FAM149B1: variants seen among roughly 807,000 people sequenced by gnomAD.
FAM149B1 encodes primary cilium assembly protein FAM149B1.
FAM149B1 carries 56 observed loss-of-function variants against 75.3 expected under a neutral mutation model. The ratio of observed to expected loss-of-function variants is 0.74; its 90% CI spans 0.60 to 0.93. The LOEUF (loss-of-function observed/expected upper bound fraction) is 0.93. FAM149B1 is among the 40% of genes least tolerant of loss of function. The pLI is 0.00. For synonymous variants in FAM149B1, 259 were observed against 256.1 expected (o/e 1.01, Z -0.11); for missense variants, 639 against 708.4 (o/e 0.90, Z 1.11).
chr10:73,174,430 A>G (rs568258486), intron 1 of FAM149B1, among the ~76,000 whole-genome samples: 11 of 152,112 alleles, frequency 7.2e-5, no homozygotes, highest in African/African-American at 2.4e-4. Flanking sequence ...TATTTTAACA[A>G]CCCAATATAT....
At chr10:73,218,700 C>G (rs1419241019) in intron 7 of FAM149B1, among the ~76,000 whole-genome samples, 2 of 152,064 alleles carry the variant, frequency 1.3e-5, no homozygotes, top group Non-Finnish European at 2.9e-5. Flanking sequence ...ATCTTTTGAT[C>G]TTTCTGAGAT....
intron 11 of FAM149B1, 41 bp downstream of exon 11, chr10:73,234,981 C>T: frequency 1.9e-6 from 3 of 1,546,492 alleles, no homozygotes; most frequent in African/African-American, 2.7e-5. Context: ...ACTTACCATA[C>T]AACCTAATGG....
At chr10:73,199,260 C>G (rs917417493) in intron 5 of FAM149B1, among the ~76,000 whole-genome samples, 8 of 151,866 alleles carry the variant, frequency 5.3e-5, no homozygotes, top group Non-Finnish European at 1.0e-4. Flanking sequence ...CTCTGTCGCC[C>G]AGGCTGGAGT....
At chr10:73,235,154 T>G in intron 11 of FAM149B1, 39 bp from the exon 12 acceptor site, 3 of 1,547,464 alleles carry the variant, frequency 1.9e-6, no homozygotes, top group African/African-American at 1.4e-5. Flanking sequence ...ACATTACAGA[T>G]AGTTTTCACT....
chr10:73,205,412 T>C (rs2043033662), intron 5 of FAM149B1, among the ~76,000 whole-genome samples: 1 of 152,148 alleles, frequency 6.6e-6, no homozygotes, highest in Non-Finnish European at 1.5e-5. Flanking sequence ...TTACCATAAG[T>C]TAAAGCTTCC....
chr10:73,196,371 G>C (rs2133342806), intron 5 of FAM149B1, among the ~76,000 whole-genome samples: 1 of 151,998 alleles, frequency 6.6e-6, no homozygotes, highest in African/African-American at 2.4e-5. Flanking sequence ...ACCCAGGCTG[G>C]AGTGCAGTGG....
intron 5 of FAM149B1, among the ~76,000 whole-genome samples, chr10:73,197,192 T>TG (rs112437735): frequency 0.15 from 23,344 of 151,862 alleles, 2,943 homozygotes; most frequent in African/African-American, 0.32. Context: ...TCAGCAGAGA[T>TG]GGGTTTCACC....
chr10:73,238,193 G>A (rs774888515), intron 12 of FAM149B1, among the ~76,000 whole-genome samples: 43 of 151,986 alleles, frequency 2.8e-4, no homozygotes, highest in Middle Eastern at 3.2e-3. Flanking sequence ...AAAAATACAA[G>A]AAAATTAGCC....
At chr10:73,220,250 T>C (rs1449410130) in intron 7 of FAM149B1, among the ~76,000 whole-genome samples, 2 of 152,138 alleles carry the variant, frequency 1.3e-5, no homozygotes, top group African/African-American at 4.8e-5. Context: ...AATTACATTT[T>C]ATTTCTTAAA....
chr10:73,221,517 C>A (rs1053763865), intron 7 of FAM149B1, among the ~76,000 whole-genome samples: 1 of 152,072 alleles, frequency 6.6e-6, no homozygotes, highest in Admixed American at 6.5e-5. Flanking sequence ...TTGTTGTCAT[C>A]CTTATCTTTG....
At chr10:73,231,488 A>G (rs1357561067) in intron 9 of FAM149B1, among the ~76,000 whole-genome samples, 2 of 152,212 alleles carry the variant, frequency 1.3e-5, no homozygotes, top group African/African-American at 2.4e-5. Flanking sequence ...TATTTAAATC[A>G]GGAATCTGAA....
intron 1 of FAM149B1, among the ~76,000 whole-genome samples, chr10:73,173,931 T>G (rs1011468402): frequency 2.0e-5 from 3 of 152,146 alleles, no homozygotes; most frequent in African/African-American, 7.2e-5. Flanking sequence ...AGTTAATGGT[T>G]TTTCTATTGG....
Position 73,241,299 on chromosome 10 carries a change from A to C in FAM149B1, c.*280A>C. 2.5e-6 allele frequency: 1 copy of C among 396,350 alleles called. No homozygotes were observed. The highest frequency in any genetic ancestry group is 4.8e-6 in the Non-Finnish European group (1 of 210,168). 24.6% of individuals were successfully genotyped at this position (396,350 alleles called of 1,614,324 possible). On this transcript the variant is annotated 3_prime_UTR_variant, in exon 14 of 14. Transcript: ENST00000242505. ...AGATGCAACAGTGAATAATACCCAA[A>C]TCACTGCTCATGTTATCTCTTAACA...
chr10:73,178,205 A>G (rs1844053892), intron 3 of FAM149B1, among the ~76,000 whole-genome samples: 1 of 152,210 alleles, frequency 6.6e-6, no homozygotes, highest in African/African-American at 2.4e-5. Flanking sequence ...AAACAGCTGC[A>G]TGTTGGCCGG....
At chr10:73,208,837 A>G in intron 6 of FAM149B1, 51 bp downstream of exon 6, 1 of 1,202,004 alleles carries the variant, frequency 8.3e-7, no homozygotes, top group Non-Finnish European at 1.1e-6. Context: ...TTTGTGTATT[A>G]ATACCTATTT....
In FAM149B1 at chr10:73,208,601, T is replaced by C; in HGVS notation, c.543-18T>C. 6.8e-7 allele frequency: 1 copy of C among 1,471,546 alleles called. No individual in the cohort carries two copies. Among genetic ancestry groups the C allele is most frequent in the Non-Finnish European group, 9.1e-7 (1 of 1,096,316 alleles). 91.2% of individuals were successfully genotyped at this position (1,471,546 alleles called of 1,614,324 possible). On this transcript the variant is annotated intron_variant, in intron 5 of 13. Transcript: ENST00000242505. The stretch of plus-strand genomic sequence containing the variant: ...TATGTTTACATAATTAATATTTACT[T>C]CTTTTTTCCACTCCAAGATTTGGTA...
rs1473083914 is a variant in FAM149B1 at position 73,239,344 on chromosome 10, T to C, written c.1635T>C (p.Val545=). The part of the protein sequence containing the change: ...LDTQYRRSCA[V]EYPHQARPGR... ...CACAGTATCGTCGCTCATGTGCAGT[T>C]GAGTATCCTCATCAGGCCCGACCTG... The change falls in exon 13 of 14, where the codon GTT becomes GTC. Residue 545 remains valine (V), a synonymous_variant. Transcript: ENST00000242505. 7 of 1,551,640 alleles carry C rather than the reference T, an allele frequency of 4.5e-6. No individual in the cohort carries two copies. In the East Asian group the frequency reaches 1.7e-4, roughly 38 times the overall value.
chr10:73,203,907 CAG>C (rs899310487), intron 5 of FAM149B1, among the ~76,000 whole-genome samples: 1 of 152,100 alleles, frequency 6.6e-6, no homozygotes, highest in Non-Finnish European at 1.5e-5. Flanking sequence ...TCCCAAAGTG[CAG>C]AGATTACAGG....
At chr10:73,202,706 T>C (rs1470544844) in intron 5 of FAM149B1, among the ~76,000 whole-genome samples, 2 of 151,086 alleles carry the variant, frequency 1.3e-5, no homozygotes, top group Non-Finnish European at 3.0e-5. Flanking sequence ...TGTTTGTTTG[T>C]TTGAGACAGG....
Sources: gnomAD v4.1 joint callset for allele counts (sites outside exome capture counted in the v4.1 genomes callset) on GRCh38, gnomAD v4.1.1 for gene constraint, MANE v1.5 for transcripts, NCBI Gene and HGNC (gene_info 2026-07-23, HGNC 2026-07-21) for gene names.